The following SHQ1 variants were observed in gnomAD, a reference collection of about 807,000 sequenced individuals.
The protein encoded by SHQ1 is protein SHQ1 homolog.
A neutral mutation model predicts 53.8 loss-of-function variants in SHQ1; 49 were observed. That is an observed-to-expected ratio of 0.91 (90% CI 0.72 to 1.16). SHQ1 has a LOEUF of 1.16. Among genes scored for constraint, SHQ1 ranks in the 50% most tolerant of loss-of-function variants. The probability of loss-of-function intolerance (pLI) is 0.00; values close to 1 mark genes in which losing one functional copy is unlikely to be tolerated. For missense variants in SHQ1, 738 were observed against 683.1 expected, an observed-to-expected ratio of 1.08 and a Z score of -0.90; for synonymous variants, 243 against 251.0, an observed-to-expected ratio of 0.97 and a Z score of 0.30.
At chr3:72,790,373 T>C (rs952052358) in intron 10 of SHQ1, among the ~76,000 whole-genome samples, 2 of 152,230 alleles carry the variant, frequency 1.3e-5, no homozygotes, top group African/African-American at 2.4e-5. Flanking sequence ...ATGCTGTTTT[T>C]GTGCTAGTCA....
At chr3:72,781,588 C>T (rs1356110741) in intron 10 of SHQ1, among the ~76,000 whole-genome samples, 10 of 151,952 alleles carry the variant, frequency 6.6e-5, no homozygotes, top group Non-Finnish European at 1.3e-4. Flanking sequence ...AAGAAGAGAC[C>T]ATATCATCAG....
downstream of SHQ1, among the ~76,000 whole-genome samples, chr3:72,748,329 CAAAAAAAAAAAAAAAAAAAAA>C (rs572927520): frequency 6.8e-5 from 4 of 58,762 alleles, no homozygotes; most frequent in African/African-American, 6.7e-5. Context: ...ATGAGGCATG[CAAAAAAAAAAAAAAAAAAAAA>C]AAAAAAAAAA....
At chr3:72,837,919 G>A (rs760296484) in intron 4 of SHQ1, among the ~76,000 whole-genome samples, 2 of 152,072 alleles carry the variant, frequency 1.3e-5, no homozygotes, top group Non-Finnish European at 2.9e-5. Context: ...ATCTTCAAGA[G>A]GATACATTTC....
At chr3:72,800,872 C>T (rs1050114686) in intron 9 of SHQ1, among the ~76,000 whole-genome samples, 1 of 152,176 alleles carries the variant, frequency 6.6e-6, no homozygotes, top group Non-Finnish European at 1.5e-5. Flanking sequence ...TTTATTACAT[C>T]ACTGTACCAC....
chr3:72,813,677 C>T (rs1336757317), intron 8 of SHQ1, among the ~76,000 whole-genome samples: 2 of 147,982 alleles, frequency 1.4e-5, no homozygotes, highest in Admixed American at 6.9e-5. Context: ...AGGAGAATGG[C>T]GTGAACCCAG....
intron 9 of SHQ1, among the ~76,000 whole-genome samples, chr3:72,806,174 A>C (rs1271355355): frequency 6.6e-6 from 1 of 152,220 alleles, no homozygotes; most frequent in Non-Finnish European, 1.5e-5. Flanking sequence ...TCCAAGGAAG[A>C]GACAAGAGTA....
chr3:72,733,367 T>C, the SHQ1 span, among the ~76,000 whole-genome samples: 3 of 151,302 alleles, frequency 2.0e-5, no homozygotes, highest in African/African-American at 4.9e-5. Flanking sequence ...TCAAAAAGCA[T>C]GGATTGAGTC....
chr3:72,766,068 G>C (rs904291629), intron 10 of SHQ1, among the ~76,000 whole-genome samples: 14 of 152,112 alleles, frequency 9.2e-5, no homozygotes, highest in Non-Finnish European at 1.6e-4. Context: ...CTTGGGCCAG[G>C]GGGTGTTCAA....
At chr3:72,794,466 A>C (rs1212428022) in intron 9 of SHQ1, 1 of 152,238 alleles carries the variant, frequency 6.6e-6, no homozygotes, top group Non-Finnish European at 1.5e-5. Context: ...TAAACCTTGA[A>C]AATTTCTTTC....
intron 10 of SHQ1, among the ~76,000 whole-genome samples, chr3:72,759,906 C>G (rs1048914849): frequency 6.6e-6 from 1 of 152,104 alleles, no homozygotes; most frequent in Non-Finnish European, 1.5e-5. Context: ...ACATTCATCA[C>G]TTCATGTTGG....
intron 10 of SHQ1, among the ~76,000 whole-genome samples, chr3:72,752,360 T>C (rs1705403431): frequency 6.6e-6 from 1 of 152,192 alleles, no homozygotes; most frequent in African/African-American, 2.4e-5. Context: ...ACTGGAAATA[T>C]GGGGGATGAC....
intron 4 of SHQ1, among the ~76,000 whole-genome samples, chr3:72,833,166 G>C (rs1379255699): frequency 6.6e-6 from 1 of 152,162 alleles, no homozygotes; most frequent in Non-Finnish European, 1.5e-5. Context: ...TACAAGCTGG[G>C]TGTGGTGGCT....
Position 72,750,366 on chromosome 3 carries a change from T to G in SHQ1, c.1652A>C (p.Gln551Pro). 6.2e-7 allele frequency: 1 copy of G among 1,614,202 alleles called. No individual in the cohort carries two copies. Among genetic ancestry groups the G allele is most frequent in the Non-Finnish European group, 8.5e-7 (1 of 1,180,026 alleles). Residue 551 changes from glutamine (Q) to proline (P), a missense_variant, in exon 11 of 11, where the codon CAG becomes CCG. By Grantham distance (76) the Gln-to-Pro change is moderately conservative (BLOSUM62 -1). Transcript: ENST00000325599. ...ELGEQLKTTVQVSEPKGTTAV... is the reference protein window; with the variant it reads ...ELGEQLKTTVPVSEPKGTTAV... Reference sequence around the variant, plus strand: ...AGTGGTGCCCTTGGGTTCAGAAACCTGAACTGTAGTCTTCAGTTGTTCCCC... The same window carrying G: ...AGTGGTGCCCTTGGGTTCAGAAACCGGAACTGTAGTCTTCAGTTGTTCCCC...
At position 72,812,765 on chromosome 3, in the gene SHQ1, C is replaced by T; in HGVS notation, c.966G>A (p.Val322=). The T allele has an allele frequency of 3.1e-6, 5 of 1,614,022 alleles. No individual in the cohort carries two copies. The highest frequency in any genetic ancestry group is 4.2e-6 in the Non-Finnish European group (5 of 1,179,986). ...AACACAACACCCTTCTTCCAAAAGA[C>T]ACCATGATATCATGAACGTTAGTCC... ...ETWTNVHDIM[V]SFGRRVLCYP... is the part of the protein sequence containing the mutation. Residue 322 remains valine, a synonymous_variant, in exon 9 of 11, where the codon GTG becomes GTA. Coordinates refer to ENST00000325599, the MANE Select transcript of SHQ1 (RefSeq NM_018130.3).
At chr3:72,785,384 C>T (rs1421190848) in intron 10 of SHQ1, among the ~76,000 whole-genome samples, 1 of 152,184 alleles carries the variant, frequency 6.6e-6, no homozygotes, top group Non-Finnish European at 1.5e-5. Flanking sequence ...TCCTGTATTC[C>T]CAGCTACTCC....
intron 8 of SHQ1, among the ~76,000 whole-genome samples, chr3:72,813,344 G>A (rs1707184875): frequency 6.6e-6 from 1 of 151,208 alleles, no homozygotes; most frequent in Admixed American, 6.6e-5. Context: ...ACAGGCACCT[G>A]TAATCCCAGC....
chr3:72,769,989 C>T (rs1705811258), intron 10 of SHQ1, among the ~76,000 whole-genome samples: 1 of 152,160 alleles, frequency 6.6e-6, no homozygotes, highest in South Asian at 2.1e-4. Flanking sequence ...TCATATGGGG[C>T]TTGTGAGATC....
intron 7 of SHQ1, among the ~76,000 whole-genome samples, chr3:72,815,703 C>T (rs915674655): frequency 3.9e-5 from 6 of 152,186 alleles, no homozygotes; most frequent in Non-Finnish European, 7.4e-5. Context: ...AATCCCTGCT[C>T]AATTTCTGTC....
intron 10 of SHQ1, among the ~76,000 whole-genome samples, chr3:72,789,174 T>C (rs1048213184): frequency 6.6e-6 from 1 of 151,898 alleles, no homozygotes; most frequent in Admixed American, 6.6e-5. Context: ...CTAATATTGG[T>C]TGAATTAGAT....
Sources: gnomAD v4.1 joint callset for allele counts (sites outside exome capture counted in the v4.1 genomes callset) on GRCh38, gnomAD v4.1.1 for gene constraint, MANE v1.5 for transcripts, NCBI Gene and HGNC (gene_info 2026-07-23, HGNC 2026-07-21) for gene names.